The following EDAR variants were observed in gnomAD, a reference collection of about 807,000 sequenced individuals.
EDAR encodes the protein ectodysplasin A receptor, also known as tumor necrosis factor receptor superfamily member EDAR.
A neutral mutation model predicts 51.3 loss-of-function variants in EDAR; 38 were observed. That is an observed-to-expected ratio of 0.74 (90% CI 0.57 to 0.97). EDAR has a LOEUF of 0.97. Among genes scored for constraint, EDAR ranks in the 50% least tolerant of loss-of-function variants. EDAR has a pLI of 0.00. For missense variants in EDAR, 528 were observed against 595.0 expected (o/e 0.89, Z 1.17); for synonymous variants, 227 against 242.1 (o/e 0.94, Z 0.58).
chr2:108,913,402 T>C (rs1696967401), intron 5 of EDAR, among the ~76,000 whole-genome samples: 1 of 152,204 alleles, frequency 6.6e-6, no homozygotes, highest in Non-Finnish European at 1.5e-5. Context: ...ATAGAGTGTG[T>C]ACATGAAAGT....
At chr2:108,956,793 T>TTG (rs1553452920) in intron 1 of EDAR, among the ~76,000 whole-genome samples, 3 of 151,730 alleles carry the variant, frequency 2.0e-5, no homozygotes, top group African/African-American at 4.9e-5. Flanking sequence ...TCTTTTTTTT[T>TTG]TTGTTTTTTT....
At chr2:108,930,594 T>C (rs1023472674) in intron 2 of EDAR, among the ~76,000 whole-genome samples, 31 of 152,238 alleles carry the variant, frequency 2.0e-4, no homozygotes, top group Non-Finnish European at 4.4e-4. Context: ...CAGTGGCTTC[T>C]CAGAACACCG....
At chr2:108,956,006 G>A (rs1356060587) in intron 1 of EDAR, among the ~76,000 whole-genome samples, 1 of 152,172 alleles carries the variant, frequency 6.6e-6, no homozygotes, top group African/African-American at 2.4e-5. Context: ...TCCAGCCTGG[G>A]CAACAGGGCA....
intron 1 of EDAR, among the ~76,000 whole-genome samples, chr2:108,950,603 C>T (rs1329498783): frequency 1.3e-5 from 2 of 152,214 alleles, no homozygotes; most frequent in Non-Finnish European, 2.9e-5. Context: ...CTGAACACCA[C>T]AAAGCTCCAA....
chr2:108,958,583 C>T (rs564310267), intron 1 of EDAR, among the ~76,000 whole-genome samples: 47 of 152,212 alleles, frequency 3.1e-4, no homozygotes, highest in Non-Finnish European at 6.5e-4. Context: ...GGTGGGAGGG[C>T]ACCCCATGGC....
intron 1 of EDAR, among the ~76,000 whole-genome samples, chr2:108,932,360 C>T (rs1313726861): frequency 1.3e-5 from 2 of 151,578 alleles, no homozygotes; most frequent in Admixed American, 6.6e-5. Flanking sequence ...AACCTCGTCT[C>T]TACTAAAAAT....
Position 108,896,206 on chromosome 2 carries a change from A to G in EDAR, c.*701T>C, listed in dbSNP as rs1696585788. 6.6e-6 allele frequency: 1 copy of G among 152,340 alleles called. No homozygotes were observed. The highest frequency in any genetic ancestry group is 2.4e-5 in the African/African-American group (1 of 41,460). The allele number at this position is 152,340 out of a possible 1,614,324, so 9.4% of individuals were successfully genotyped here. On this transcript the variant is annotated 3_prime_UTR_variant, in exon 12 of 12. Coordinates refer to ENST00000258443, the MANE Select transcript of EDAR (RefSeq NM_022336.4). ...GGTTTTGTATAGAGTGAGCTCTTCC[A>G]TTATTGACTGGAAGGCCTGTAAGAA...
At chr2:108,968,754 G>C (rs1046069103) in intron 1 of EDAR, among the ~76,000 whole-genome samples, 2 of 152,184 alleles carry the variant, frequency 1.3e-5, no homozygotes, top group African/African-American at 2.4e-5. Flanking sequence ...CGAACACTAG[G>C]AAATAAGGTC....
At chr2:108,941,142 C>T (rs1043513410) in intron 1 of EDAR, among the ~76,000 whole-genome samples, 4 of 152,210 alleles carry the variant, frequency 2.6e-5, no homozygotes, top group Non-Finnish European at 5.9e-5. Flanking sequence ...ACCTGTGATG[C>T]GTCTGCGTTG....
intron 1 of EDAR, among the ~76,000 whole-genome samples, chr2:108,967,810 G>GTT: frequency 6.6e-6 from 1 of 152,254 alleles, no homozygotes; most frequent in Admixed American, 6.5e-5. Flanking sequence ...TAAAAGGAAA[G>GTT]TAAGAACCCA....
In EDAR at chr2:108,897,116, T is replaced by G. The variant is rs146567337; in HGVS notation, c.1138A>C (p.Ser380Arg). Residue 380 changes from serine to arginine, a missense_variant, in exon 12 of 12, where the codon AGC becomes CGC. Physicochemically the swap from Ser to Arg is moderately radical, Grantham distance 110. Coordinates refer to ENST00000258443, the MANE Select transcript of EDAR (RefSeq NM_022336.4). ...ATCTCATCCCTCTTCAGGCCGAAGCTCTCGGCGAGGTGGCGCCACGTTTTC... is the reference window on the plus strand; with the variant it reads ...ATCTCATCCCTCTTCAGGCCGAAGCGCTCGGCGAGGTGGCGCCACGTTTTC... ...VVKTWRHLAE[S>R]FGLKRDEIGG... The G allele has an allele frequency of 8.0e-4, 1,298 of 1,614,018 alleles. 21 individuals carry two copies. The East Asian group carries it at 0.024, about 30-fold the overall frequency.
At chr2:108,987,617 G>C (rs1226796351) in intron 1 of EDAR, among the ~76,000 whole-genome samples, 2 of 152,204 alleles carry the variant, frequency 1.3e-5, no homozygotes, top group Admixed American at 1.3e-4. Flanking sequence ...CCAAAGACTG[G>C]TCCTTCCAAG....
At position 108,923,432 on chromosome 2, in the gene EDAR, T is replaced by G; in HGVS notation, c.378A>C (p.Arg126Ser). ...CLPGYYMLEN[R>S]PRNIYGMVCY... ...AGACCATGCCATAGATGTTCCTCGGTCTGTTCTCCAGCATGTAGTAGCTAC... is the reference window on the plus strand; with the variant it reads ...AGACCATGCCATAGATGTTCCTCGGGCTGTTCTCCAGCATGTAGTAGCTAC... Residue 126 changes from arginine (R) to serine (S), a missense_variant, in exon 5 of 12, where the codon AGA becomes AGC. Transcript: ENST00000258443. 1 of 1,614,104 alleles carries G rather than the reference T, an allele frequency of 6.2e-7. No homozygotes were observed. The highest frequency in any genetic ancestry group is 8.5e-7 in the Non-Finnish European group (1 of 1,180,026).
intron 4 of EDAR, among the ~76,000 whole-genome samples, chr2:108,926,637 C>A (rs77843253): frequency 3.9e-5 from 6 of 152,216 alleles, no homozygotes; most frequent in African/African-American, 1.4e-4. Flanking sequence ...TCTCTCTCCC[C>A]CTTTCCTCCT....
chr2:108,942,541 T>C (rs1310768184), intron 1 of EDAR, among the ~76,000 whole-genome samples: 1 of 152,254 alleles, frequency 6.6e-6, no homozygotes, highest in African/African-American at 2.4e-5. Flanking sequence ...GGGGCCAGCG[T>C]CCCCGTCTCC....
At chr2:108,966,756 G>A (rs1490297152) in intron 1 of EDAR, among the ~76,000 whole-genome samples, 1 of 152,250 alleles carries the variant, frequency 6.6e-6, no homozygotes. Flanking sequence ...TGCTGGCAGA[G>A]GCCAAGTGCC....
At chr2:108,923,797 C>A (rs1054652018) in intron 4 of EDAR, among the ~76,000 whole-genome samples, 1 of 152,226 alleles carries the variant, frequency 6.6e-6, no homozygotes, top group Non-Finnish European at 1.5e-5. Flanking sequence ...GCTTAGCCCC[C>A]CAGGGGTCAC....
intron 1 of EDAR, among the ~76,000 whole-genome samples, chr2:108,958,988 T>A (rs1189514537): frequency 6.6e-6 from 1 of 152,224 alleles, no homozygotes; most frequent in Non-Finnish European, 1.5e-5. Flanking sequence ...CCATGGCTAG[T>A]GGCTGAGGCC....
intron 6 of EDAR, 108 bp downstream of exon 6, chr2:108,912,570 G>T: frequency 9.4e-7 from 1 of 1,064,990 alleles, no homozygotes; most frequent in Non-Finnish European, 1.4e-6. Context: ...GAGGCCAGGT[G>T]GGGAAGCGCA....
Sources: gnomAD v4.1 joint callset for allele counts (sites outside exome capture counted in the v4.1 genomes callset) on GRCh38, gnomAD v4.1.1 for gene constraint, MANE v1.5 for transcripts, NCBI Gene and HGNC (gene_info 2026-07-23, HGNC 2026-07-21) for gene names.